The following WDPCP variants were observed in gnomAD, a reference collection of about 807,000 sequenced individuals.
WDPCP encodes the protein WD repeat-containing and planar cell polarity effector protein fritz homolog.
Under a neutral mutation model 93.1 loss-of-function variants are expected in WDPCP, and 71 were observed. The ratio of observed to expected loss-of-function variants is 0.76; its 90% CI spans 0.63 to 0.93. The LOEUF (loss-of-function observed/expected upper bound fraction) is 0.93. Among genes scored for constraint, WDPCP ranks in the 40% least tolerant of loss-of-function variants. WDPCP has a pLI of 0.00. For missense variants in WDPCP, 844 were observed against 887.4 expected (o/e 0.95, Z 0.62); for synonymous variants, 315 against 315.0 (o/e 1.00, Z 0.00).
intron 12 of WDPCP, among the ~76,000 whole-genome samples, chr2:63,326,215 C>T (rs1687524953): frequency 6.6e-6 from 1 of 152,160 alleles, no homozygotes; most frequent in South Asian, 2.1e-4. Context: ...CTCAACCCTG[C>T]CACTTTTCTC....
chr2:63,458,369 T>C (rs1345164057), intron 6 of WDPCP, among the ~76,000 whole-genome samples: 1 of 152,088 alleles, frequency 6.6e-6, no homozygotes, highest in Non-Finnish European at 1.5e-5. Flanking sequence ...GCAAATTCAG[T>C]TGCAGGATAC....
At chr2:63,602,789 C>G (rs1416141821) in intron 3 of WDPCP, among the ~76,000 whole-genome samples, 1 of 152,134 alleles carries the variant, frequency 6.6e-6, no homozygotes. Flanking sequence ...AGTAAGGAAC[C>G]TTTTGAGACT....
intron 9 of WDPCP, among the ~76,000 whole-genome samples, chr2:63,414,400 G>A (rs959814118): frequency 2.6e-5 from 4 of 151,904 alleles, no homozygotes; most frequent in African/African-American, 9.7e-5. Flanking sequence ...TTGCAAAATC[G>A]TGGAACAAAT....
chr2:63,213,802 C>T (rs182672985), intron 14 of WDPCP, among the ~76,000 whole-genome samples: 3 of 152,174 alleles, frequency 2.0e-5, no homozygotes, highest in African/African-American at 7.2e-5. Flanking sequence ...CAACACCGAT[C>T]CCACAGAGAT....
intron 14 of WDPCP, among the ~76,000 whole-genome samples, chr2:63,243,585 A>G (rs1234093359): frequency 3.3e-5 from 5 of 152,162 alleles, no homozygotes; most frequent in Admixed American, 3.3e-4. Context: ...CAGACTTTAA[A>G]CCAGCAAGCA....
intron 2 of WDPCP, among the ~76,000 whole-genome samples, chr2:63,776,208 A>G (rs1670300882): frequency 6.6e-6 from 1 of 152,116 alleles, no homozygotes; most frequent in South Asian, 2.1e-4. Context: ...ATGAAAAGAT[A>G]AGCCACCGAC....
chr2:63,155,516 A>G (rs1283862602), intron 15 of WDPCP, among the ~76,000 whole-genome samples: 1 of 152,002 alleles, frequency 6.6e-6, no homozygotes, highest in Non-Finnish European at 1.5e-5. Context: ...CTAATACTGT[A>G]ATTTCTTGAT....
At chr2:63,158,732 A>T (rs1385974156) in intron 15 of WDPCP, among the ~76,000 whole-genome samples, 1 of 152,096 alleles carries the variant, frequency 6.6e-6, no homozygotes, top group Non-Finnish European at 1.5e-5. Flanking sequence ...TTTTAAAAAA[A>T]TATGTTTTCT....
chr2:63,659,670 T>A (rs1476408828), intron 2 of WDPCP, among the ~76,000 whole-genome samples: 1 of 152,182 alleles, frequency 6.6e-6, no homozygotes, highest in Admixed American at 6.5e-5. Flanking sequence ...CTCTATATTG[T>A]GAGAGAATGC....
At chr2:63,659,442 C>T (rs545494651) in intron 2 of WDPCP, among the ~76,000 whole-genome samples, 13 of 152,126 alleles carry the variant, frequency 8.5e-5, no homozygotes, top group African/African-American at 2.4e-4. Context: ...TGGGCAATTG[C>T]GTGTATCCTT....
chr2:63,533,024 A>G (rs4671064), intron 1 of WDPCP, among the ~76,000 whole-genome samples: 122,242 of 152,032 alleles, frequency 0.8, 49,823 homozygotes, highest in East Asian at 0.99. Context: ...GATCTACCAA[A>G]CAAATGGAAA....
chr2:63,507,674 C>A (rs878980722), intron 1 of WDPCP, among the ~76,000 whole-genome samples: 1 of 151,842 alleles, frequency 6.6e-6, no homozygotes, highest in Non-Finnish European at 1.5e-5. Flanking sequence ...TGCAAGGAAG[C>A]TAAAAACCTT....
chr2:63,127,369 C>T (rs894380449), intron 17 of WDPCP, among the ~76,000 whole-genome samples: 6 of 151,620 alleles, frequency 4.0e-5, no homozygotes, highest in African/African-American at 9.7e-5. Flanking sequence ...GTGATCTGCC[C>T]GCCTCGGCCT....
chr2:63,562,116 A>T (rs574178688), intron 1 of WDPCP, among the ~76,000 whole-genome samples: 1 of 152,368 alleles, frequency 6.6e-6, no homozygotes, highest in Non-Finnish European at 1.5e-5. Flanking sequence ...ACATGGAATT[A>T]GTCCAAATGC....
chr2:63,455,232 A>G lies in WDPCP; in HGVS notation c.385-15361T>C, dbSNP rs180796762. Among the ~76,000 whole-genome samples, 128 of 152,250 alleles carry G rather than the reference A, an allele frequency of 8.4e-4. 1 individual carries two copies. The highest frequency in any genetic ancestry group is 2.9e-3 in the African/African-American group (121 of 41,566). ...GGAAAAAAACAAAGGAACAAAGACT[A>G]TACAAAGCAACCTAAAGACAATTAA... is the stretch of plus-strand genomic sequence containing the variant. On this transcript the variant is annotated intron_variant, in intron 6 of 17. Coordinates refer to ENST00000272321, the MANE Select transcript of WDPCP (RefSeq NM_015910.7).
intron 12 of WDPCP, among the ~76,000 whole-genome samples, chr2:63,373,146 A>C (rs1691546363): frequency 6.6e-6 from 1 of 151,860 alleles, no homozygotes; most frequent in Non-Finnish European, 1.5e-5. Flanking sequence ...CAAACCAAAA[A>C]CAAAAAAACC....
At chr2:63,184,356 T>A (rs956375400) in intron 14 of WDPCP, among the ~76,000 whole-genome samples, 12 of 152,168 alleles carry the variant, frequency 7.9e-5, no homozygotes, top group Non-Finnish European at 1.5e-4. Context: ...TGGCAAACAT[T>A]GACCATTTTG....
chr2:63,534,860 G>C (rs1478683213), intron 1 of WDPCP, among the ~76,000 whole-genome samples: 1 of 152,154 alleles, frequency 6.6e-6, no homozygotes, highest in Non-Finnish European at 1.5e-5. Context: ...GTTCTGGCCA[G>C]GGCAATCAGG....
chr2:63,643,642 C>T, intron 3 of WDPCP: 2 of 455,484 alleles, frequency 4.4e-6, no homozygotes, highest in Non-Finnish European at 8.7e-6. Context: ...ATGAGGAATT[C>T]CTTTTGTACC....
Sources: allele counts gnomAD v4.1 joint callset (sites outside exome capture counted in the v4.1 genomes callset), GRCh38; gene constraint gnomAD v4.1.1; transcripts MANE v1.5; gene names NCBI Gene and HGNC (gene_info 2026-07-23, HGNC 2026-07-21).